The following UNC80 variants were observed in gnomAD, a reference collection of about 807,000 sequenced individuals.
The protein encoded by UNC80 is protein unc-80 homolog.
Under a neutral mutation model 384.6 loss-of-function variants are expected in UNC80, and 164 were observed. That is an observed-to-expected ratio of 0.43 (90% CI 0.38 to 0.49). The LOEUF (loss-of-function observed/expected upper bound fraction) is 0.49. UNC80 is among the 20% of genes least tolerant of loss of function. UNC80 has a pLI of 0.00. For synonymous variants in UNC80, 1,486 were observed against 1,527.8 expected (o/e 0.97, Z 0.64); for missense variants, 3,330 against 4,143.0 (o/e 0.80, Z 5.39).
rs568237450 is a variant in UNC80, at chr2:209,896,356, G to C, written c.4524G>C (p.Glu1508Asp). Residue 1508 changes from glutamate to aspartate, a missense_variant, in exon 28 of 65, where the codon GAG (glutamate) becomes GAC (aspartate). Coordinates refer to ENST00000673920, the MANE Select transcript of UNC80 (RefSeq NM_001371986.1). The stretch of plus-strand genomic sequence containing the variant: ...CAAGCGAGCCCAGCATTGAGCCAGA[G>C]GGAATGAGTAATGCCGGCGCGGAGG... ...WSASEPSIEP[E>D]GMSNAGAEEN... is the part of the protein sequence containing the mutation. The C allele has an allele frequency of 1.3e-6, 2 of 1,551,696 alleles. No homozygotes were observed. The highest frequency in any genetic ancestry group is 1.7e-6 in the Non-Finnish European group (2 of 1,146,970).
intron 50 of UNC80, 144 bp from the exon 51 acceptor site, chr2:209,959,345 C>A (rs1042766937): frequency 7.5e-6 from 8 of 1,061,580 alleles, no homozygotes; most frequent in African/African-American, 3.2e-5. Context: ...CTTTATCCTT[C>A]GGATGAGGTT....
intron 7 of UNC80, 89 bp downstream of exon 7, chr2:209,793,948 C>T (rs985208503): frequency 4.7e-6 from 7 of 1,475,764 alleles, no homozygotes; most frequent in Non-Finnish European, 6.5e-6. Flanking sequence ...GCCTCTGTTC[C>T]TTAAAATATG....
At chr2:209,866,060 T>C (rs2083735836) in intron 22 of UNC80, among the ~76,000 whole-genome samples, 1 of 152,150 alleles carries the variant, frequency 6.6e-6, no homozygotes, top group Non-Finnish European at 1.5e-5. Context: ...ACTAAAACGT[T>C]CTTAGCATTT....
At chr2:209,898,919 G>C (rs2087086503) in intron 28 of UNC80, among the ~76,000 whole-genome samples, 1 of 152,138 alleles carries the variant, frequency 6.6e-6, no homozygotes, top group Admixed American at 6.6e-5. Context: ...ATGATCTCCA[G>C]TTCTATCCAT....
At chr2:209,850,954 C>T (rs943234097) in intron 22 of UNC80, among the ~76,000 whole-genome samples, 1 of 152,016 alleles carries the variant, frequency 6.6e-6, no homozygotes, top group Admixed American at 6.6e-5. Context: ...TTGTCTTAAT[C>T]ACATCTTGCT....
chr2:209,852,027 G>T (rs564251126), intron 22 of UNC80, among the ~76,000 whole-genome samples: 2 of 152,030 alleles, frequency 1.3e-5, no homozygotes, highest in African/African-American at 4.8e-5. Context: ...ATGAAGGAGC[G>T]CTGGAGCTTA....
chr2:209,945,278 A>G (rs1483642279), intron 46 of UNC80, 89 bp downstream of exon 46: 2 of 1,314,986 alleles, frequency 1.5e-6, no homozygotes, highest in Non-Finnish European at 2.0e-6. Flanking sequence ...ACGTATATTT[A>G]TATGTGTGTG....
At chr2:209,783,516 G>A (rs1218129042) in intron 4 of UNC80, among the ~76,000 whole-genome samples, 1 of 152,054 alleles carries the variant, frequency 6.6e-6, no homozygotes, top group Non-Finnish European at 1.5e-5. Context: ...ATATTAGTTT[G>A]GTATTGTACT....
At chr2:209,802,381 T>C (rs1350137862) in intron 7 of UNC80, among the ~76,000 whole-genome samples, 1 of 152,174 alleles carries the variant, frequency 6.6e-6, no homozygotes, top group Non-Finnish European at 1.5e-5. Flanking sequence ...TGCCATAATA[T>C]GAACATATAT....
chr2:209,913,665 A>C (rs2089209924), intron 30 of UNC80, 137 bp from the exon 31 acceptor site: 1 of 817,826 alleles, frequency 1.2e-6, no homozygotes, highest in Non-Finnish European at 1.9e-6. Context: ...TGTCAACTAA[A>C]TATGCTCCCA....
At chr2:209,848,992 G>GTGCTGTACCAATTTGTACAGCA (rs1172287735) in intron 21 of UNC80, among the ~76,000 whole-genome samples, 1 of 152,114 alleles carries the variant, frequency 6.6e-6, no homozygotes, top group Admixed American at 6.5e-5. Context: ...TTTCACCACA[G>GTGCTGTACCAATTTGTACAGCA]TGCTGTACCA....
chr2:209,839,121 G>A lies in UNC80; in HGVS notation c.3042-101G>A. The A allele has an allele frequency of 9.4e-7, 1 of 1,068,498 alleles. No individual in the cohort carries two copies. The highest frequency in any genetic ancestry group is 1.3e-6 in the Non-Finnish European group (1 of 741,722). 66.2% of individuals were successfully genotyped at this position (1,068,498 alleles called of 1,614,324 possible). Reference sequence around the variant, plus strand: ...ATTTCAGCCCATCAAAGATCATTTTGCATGATTTGCCTAAATATCATTGAC... The same window carrying A: ...ATTTCAGCCCATCAAAGATCATTTTACATGATTTGCCTAAATATCATTGAC... On this transcript the variant is annotated intron_variant, in intron 18 of 64. Coordinates refer to ENST00000673920, the MANE Select transcript of UNC80 (RefSeq NM_001371986.1). The surrounding 1 kb of genome is among the most constrained non-coding windows in gnomAD (Gnocchi z 4.1).
chr2:209,877,894 G>C lies in UNC80; in HGVS notation c.3841-60G>C, dbSNP rs867589881. The C allele has an allele frequency of 2.9e-5, 42 of 1,441,270 alleles. No homozygotes were observed. In the Middle Eastern group the frequency reaches 7.2e-4, roughly 25 times the overall value. 89.3% of individuals were successfully genotyped at this position (1,441,270 alleles called of 1,614,324 possible). ...GTTGCTTATGTCTGATGTAATGTGA[G>C]AGCCTATTTTAGAGTTTGACTTAGT... On this transcript the variant is annotated intron_variant, in intron 23 of 64. Coordinates refer to ENST00000673920, the MANE Select transcript of UNC80 (RefSeq NM_001371986.1).
At chr2:209,972,457 T>C in intron 55 of UNC80, 133 bp downstream of exon 55, 2 of 1,264,526 alleles carry the variant, frequency 1.6e-6, no homozygotes, top group Non-Finnish European at 2.1e-6. Flanking sequence ...TAGGGTCATC[T>C]TAGGAAATAA....
intron 33 of UNC80, among the ~76,000 whole-genome samples, chr2:209,919,915 T>C (rs182989614): frequency 6.6e-6 from 1 of 152,378 alleles, no homozygotes; most frequent in East Asian, 1.9e-4. Context: ...CTTGATTTTA[T>C]ATCCAGTTAT....
chr2:209,870,732 A>G (rs1303850527), intron 22 of UNC80, among the ~76,000 whole-genome samples: 1 of 152,226 alleles, frequency 6.6e-6, no homozygotes, highest in East Asian at 1.9e-4. Context: ...CAATGAAGAA[A>G]GGCTTAAGGA....
At chr2:209,903,543 T>C (rs1350810250) in intron 28 of UNC80, among the ~76,000 whole-genome samples, 1 of 56,458 alleles carries the variant, frequency 1.8e-5, no homozygotes, top group African/African-American at 7.5e-5. Flanking sequence ...TTATATATAG[T>C]ATATATGTAA....
At chr2:209,966,227 T>C (rs1223971594) in intron 51 of UNC80, among the ~76,000 whole-genome samples, 1 of 152,206 alleles carries the variant, frequency 6.6e-6, no homozygotes, top group Non-Finnish European at 1.5e-5. Flanking sequence ...GAAATTTGTT[T>C]TCAAATGAAT....
At chr2:209,792,638 C>T (rs537998891) in intron 6 of UNC80, among the ~76,000 whole-genome samples, 17 of 152,228 alleles carry the variant, frequency 1.1e-4, no homozygotes, top group Non-Finnish European at 2.1e-4. Context: ...TGAGCCACCG[C>T]GCCCGGTTCC....
Sources: allele counts gnomAD v4.1 joint callset (sites outside exome capture counted in the v4.1 genomes callset), GRCh38; gene constraint gnomAD v4.1.1; non-coding constraint Gnocchi (gnomAD v3.1); transcripts MANE v1.5; gene names NCBI Gene and HGNC (gene_info 2026-07-23, HGNC 2026-07-21).